The following KCNIP4 variants were observed in gnomAD, a reference collection of about 807,000 sequenced individuals.
KCNIP4 encodes potassium voltage-gated channel interacting protein 4, also known as Kv channel-interacting protein 4.
KCNIP4 carries 12 observed loss-of-function variants against 34.0 expected under a neutral mutation model. The observed-to-expected ratio is 0.35, with a 90% CI of 0.23 to 0.57. The LOEUF (loss-of-function observed/expected upper bound fraction) is 0.57, where lower values mean the gene tolerates loss of function less well. Among genes scored for constraint, KCNIP4 ranks in the 20% least tolerant of loss-of-function variants. The pLI, the probability that KCNIP4 is intolerant of heterozygous loss-of-function variation, is 0.83. For synonymous variants in KCNIP4, 124 were observed against 102.2 expected, an observed-to-expected ratio of 1.21 and a Z score of -1.29; for missense variants, 238 against 311.7, an observed-to-expected ratio of 0.76 and a Z score of 1.78.
At chr4:21,485,308 T>C (rs1417656516) in intron 1 of KCNIP4, among the ~76,000 whole-genome samples, 1 of 152,186 alleles carries the variant, frequency 6.6e-6, no homozygotes, top group Non-Finnish European at 1.5e-5. Flanking sequence ...CAATTACTAC[T>C]CACTGCCTAA....
intron 1 of KCNIP4, among the ~76,000 whole-genome samples, chr4:21,192,575 G>A (rs2109351513): frequency 6.6e-6 from 1 of 152,068 alleles, no homozygotes; most frequent in Non-Finnish European, 1.5e-5. Context: ...ATAATGTCAG[G>A]CAGGATACTA....
At chr4:21,695,643 G>A (rs1031444839) in intron 1 of KCNIP4, among the ~76,000 whole-genome samples, 5 of 151,884 alleles carry the variant, frequency 3.3e-5, no homozygotes, top group African/African-American at 4.8e-5. Flanking sequence ...TACCATTTTC[G>A]TAAAATTCTT....
chr4:21,047,858 A>T (rs9291421), intron 1 of KCNIP4, among the ~76,000 whole-genome samples: 4,199 of 152,260 alleles, frequency 0.028, 168 homozygotes, highest in African/African-American at 0.095. Context: ...TCTCATCTTT[A>T]CTCATTCTCC....
chr4:21,793,714 T>C (rs993913291), intron 1 of KCNIP4, among the ~76,000 whole-genome samples: 7 of 152,198 alleles, frequency 4.6e-5, no homozygotes, highest in Non-Finnish European at 1.5e-5. Context: ...AATCTGCCCA[T>C]ATAAATTGTC....
intron 1 of KCNIP4, among the ~76,000 whole-genome samples, chr4:21,877,424 G>A (rs1370529690): frequency 1.3e-5 from 2 of 152,146 alleles, no homozygotes; most frequent in Non-Finnish European, 2.9e-5. Context: ...GTATAACATA[G>A]GACCAAGGTT....
In KCNIP4 at chr4:21,634,878, A is replaced by T. The variant is rs141729336; in HGVS notation, c.61+313693T>A. Among the ~76,000 whole-genome samples the T allele has an allele frequency of 2.3e-3, 347 of 152,300 alleles. 3 individuals are homozygous for T. The highest frequency in any genetic ancestry group is 7.7e-3 in the African/African-American group (320 of 41,574). On this transcript the variant is annotated intron_variant, in intron 1 of 8. Coordinates refer to ENST00000382152, the MANE Select transcript of KCNIP4 (RefSeq NM_025221.6). ...AACTCACATTTTATAGTCAATTAATAATCTCCATTTTGAAGCAAATTTATA... is the reference window on the plus strand; with the variant it reads ...AACTCACATTTTATAGTCAATTAATTATCTCCATTTTGAAGCAAATTTATA...
At chr4:21,145,157 C>T (rs928297560) in intron 1 of KCNIP4, among the ~76,000 whole-genome samples, 34 of 152,088 alleles carry the variant, frequency 2.2e-4, no homozygotes, top group East Asian at 1.9e-4. Context: ...AACCCTTCCC[C>T]GCTCTAAACT....
rs539082898 is a variant in KCNIP4, at chr4:21,615,799, A to G, written c.61+332772T>C. On this transcript the variant is annotated intron_variant, in intron 1 of 8. Coordinates refer to ENST00000382152, the MANE Select transcript of KCNIP4 (RefSeq NM_025221.6). ...CTTGTTCTCTCACACCCCACATCCA[A>G]TTTTCCAGGAAATCTTGTTGATTCT... is the stretch of plus-strand genomic sequence containing the variant. Among the ~76,000 whole-genome samples, 29 of 152,076 alleles carry G rather than the reference A, an allele frequency of 1.9e-4. No homozygotes were observed. In the South Asian group the frequency reaches 6.0e-3, roughly 32 times the overall value.
At position 21,081,828 on chromosome 4, in the gene KCNIP4, A is replaced by G. The variant is rs919785866; in HGVS notation, c.62-199119T>C. Among the ~76,000 whole-genome samples, 17 of 151,820 alleles carry G rather than the reference A, an allele frequency of 1.1e-4. 1 individual carries two copies. Among genetic ancestry groups the G allele is most frequent in the African/African-American group, 3.9e-4 (16 of 41,224 alleles). The stretch of plus-strand genomic sequence containing the variant: ...CTGAGAGAGTAATTAAGAAATTTTT[A>G]TATACACACAGAAACACATGTGGCT... On this transcript the variant is annotated intron_variant, in intron 1 of 8. Coordinates refer to ENST00000382152, the MANE Select transcript of KCNIP4 (RefSeq NM_025221.6).
chr4:20,780,385 GTA>G (rs1188915108), intron 3 of KCNIP4, among the ~76,000 whole-genome samples: 1 of 152,164 alleles, frequency 6.6e-6, no homozygotes, highest in African/African-American at 2.4e-5. Context: ...TGAGTGGCTG[GTA>G]GGCAGGTCAA....
chr4:21,542,486 T>C (rs1182589906), intron 1 of KCNIP4, among the ~76,000 whole-genome samples: 1 of 152,036 alleles, frequency 6.6e-6, no homozygotes, highest in African/African-American at 2.4e-5. Flanking sequence ...AAAATTTCAA[T>C]AAAATAGCGA....
At position 21,454,924 on chromosome 4, in the gene KCNIP4, C is replaced by G. The variant is rs563370148; in HGVS notation, c.61+493647G>C. ...GGACAATCCTCGAGTAGGGCAGTGA[C>G]CAGGTTAGCTCATAGGGTGACCAAC... is the stretch of plus-strand genomic sequence containing the variant. On this transcript the variant is annotated intron_variant, in intron 1 of 8. Coordinates refer to ENST00000382152, the MANE Select transcript of KCNIP4 (RefSeq NM_025221.6). Among the ~76,000 whole-genome samples, 4 of 152,060 alleles carry G rather than the reference C, an allele frequency of 2.6e-5. No individual in the cohort carries two copies. In the South Asian group the frequency reaches 8.3e-4, roughly 32 times the overall value.
chr4:21,028,388 G>A (rs1425109834), intron 1 of KCNIP4, among the ~76,000 whole-genome samples: 1 of 152,194 alleles, frequency 6.6e-6, no homozygotes, highest in South Asian at 2.1e-4. Flanking sequence ...CTCAGACAAA[G>A]TACTTAAAAC....
intron 3 of KCNIP4, among the ~76,000 whole-genome samples, chr4:20,792,573 T>C (rs530705726): frequency 2.6e-5 from 4 of 152,122 alleles, no homozygotes; most frequent in African/African-American, 9.6e-5. Flanking sequence ...GATAAAAATA[T>C]GTTAAAAGGC....
intron 1 of KCNIP4, among the ~76,000 whole-genome samples, chr4:21,728,015 C>T (rs564760466): frequency 3.9e-5 from 6 of 152,098 alleles, no homozygotes; most frequent in Non-Finnish European, 7.4e-5. Context: ...TGCTCCTACC[C>T]AAATGACTTA....
Position 20,741,974 on chromosome 4 carries a change from A to T in KCNIP4, c.430-7239T>A, listed in dbSNP as rs550030048. On this transcript the variant is annotated intron_variant, in intron 5 of 8. Transcript: ENST00000382152. ...CGAATAAACTAGAAAATCTAGAAGA[A>T]TGGATAAATTCCTGGACACATACAC... Among the ~76,000 whole-genome samples, 188 of 152,358 alleles carry T rather than the reference A, an allele frequency of 1.2e-3. 4 individuals are homozygous for T. The highest frequency in any genetic ancestry group is 4.4e-4 in the Non-Finnish European group (30 of 68,040).
At chr4:21,348,863 G>A (rs1006400909) in intron 1 of KCNIP4, among the ~76,000 whole-genome samples, 2 of 152,180 alleles carry the variant, frequency 1.3e-5, no homozygotes, top group African/African-American at 4.8e-5. Context: ...AGAGTTAGCT[G>A]TGGGTTGAAG....
intron 1 of KCNIP4, among the ~76,000 whole-genome samples, chr4:21,413,193 A>G (rs1724659702): frequency 1.3e-5 from 2 of 152,142 alleles, no homozygotes; most frequent in African/African-American, 4.8e-5. Flanking sequence ...ACAAAGTGGC[A>G]TTAGGGTAAG....
chr4:21,848,915 A>G (rs1439167059), intron 1 of KCNIP4: 1 of 151,068 alleles, frequency 6.6e-6, no homozygotes, highest in Non-Finnish European at 1.5e-5. Context: ...TACTGCCACA[A>G]GAGAAAAGGG....
Sources: allele counts gnomAD v4.1 joint callset (sites outside exome capture counted in the v4.1 genomes callset), GRCh38; gene constraint gnomAD v4.1.1; transcripts MANE v1.5; gene names NCBI Gene and HGNC (gene_info 2026-07-23, HGNC 2026-07-21).